CCDC85A: variants seen among roughly 807,000 people sequenced by gnomAD.
The protein encoded by CCDC85A is coiled-coil domain containing 85A, also known as coiled-coil domain-containing protein 85A.
A neutral mutation model predicts 50.2 loss-of-function variants in CCDC85A; 38 were observed. The observed-to-expected ratio is 0.76, with a 90% CI of 0.58 to 0.99. CCDC85A has a LOEUF of 0.99. Ranked by LOEUF, CCDC85A falls within the 50% of genes least tolerant of loss-of-function variation. CCDC85A has a pLI of 0.00. For missense variants in CCDC85A, 820 were observed against 742.0 expected, an observed-to-expected ratio of 1.11 and a Z score of -1.22; for synonymous variants, 366 against 301.4, an observed-to-expected ratio of 1.21 and a Z score of -2.22.
At chr2:56,277,758 C>G (rs558674869) in intron 2 of CCDC85A, among the ~76,000 whole-genome samples, 6 of 152,352 alleles carry the variant, frequency 3.9e-5, no homozygotes, top group South Asian at 2.1e-4. Context: ...GGCGCAGAGT[C>G]TCCTAAGGAG....
rs1676763425 is a variant in CCDC85A at position 56,385,107 on chromosome 2, C to A, written c.*752C>A. The A allele has an allele frequency of 6.6e-6, 1 of 151,920 alleles. No individual in the cohort carries two copies. The highest frequency in any genetic ancestry group is 1.9e-4 in the East Asian group (1 of 5,150). 9.4% of individuals were successfully genotyped at this position (151,920 alleles called of 1,614,324 possible). A position where few individuals can be genotyped will look rare whatever the true frequency, so the allele number is the denominator to read the frequency against. ...AAAGACACATCTTGGGGCATACCAA[C>A]CTTCATATTCATTCAGTGTATCCAT... On this transcript the variant is annotated 3_prime_UTR_variant, in exon 6 of 6. Coordinates refer to ENST00000407595, the MANE Select transcript of CCDC85A (RefSeq NM_001080433.2).
At chr2:56,222,177 A>G (rs917426479) in intron 2 of CCDC85A, among the ~76,000 whole-genome samples, 2 of 152,172 alleles carry the variant, frequency 1.3e-5, no homozygotes, top group Non-Finnish European at 2.9e-5. Context: ...GCTTTAAAGA[A>G]TAAAGCAAAA....
At chr2:56,349,942 G>A (rs1017246070) in intron 3 of CCDC85A, among the ~76,000 whole-genome samples, 1 of 151,460 alleles carries the variant, frequency 6.6e-6, no homozygotes, top group Admixed American at 6.6e-5. Context: ...CTTAGGTTTG[G>A]CTATATAGTA....
intron 2 of CCDC85A, among the ~76,000 whole-genome samples, chr2:56,236,088 A>G (rs1423911801): frequency 2.0e-5 from 3 of 152,240 alleles, no homozygotes; most frequent in Non-Finnish European, 4.4e-5. Context: ...GAAAATACAG[A>G]TGTGACCAAA....
At chr2:56,218,475 A>G (rs888904460) in intron 2 of CCDC85A, among the ~76,000 whole-genome samples, 13 of 151,902 alleles carry the variant, frequency 8.6e-5, no homozygotes, top group African/African-American at 2.9e-4. Flanking sequence ...CATTTTTCAT[A>G]TTCATTTCTA....
At chr2:56,271,202 G>C (rs1273292181) in intron 2 of CCDC85A, among the ~76,000 whole-genome samples, 2 of 152,194 alleles carry the variant, frequency 1.3e-5, no homozygotes, top group Non-Finnish European at 2.9e-5. Flanking sequence ...ATGTGGGTCA[G>C]TTATGTAGGG....
At chr2:56,293,662 C>T (rs925399269) in intron 2 of CCDC85A, among the ~76,000 whole-genome samples, 1 of 152,114 alleles carries the variant, frequency 6.6e-6, no homozygotes, top group Non-Finnish European at 1.5e-5. Context: ...ACAGACACTT[C>T]TCAAAAGAAG....
At chr2:56,295,624 C>T (rs1671913984) in intron 2 of CCDC85A, among the ~76,000 whole-genome samples, 1 of 152,116 alleles carries the variant, frequency 6.6e-6, no homozygotes, top group Admixed American at 6.6e-5. Context: ...GAAATGGCCC[C>T]TCTGTCTAGG....
intron 2 of CCDC85A, among the ~76,000 whole-genome samples, chr2:56,330,044 A>G (rs924435860): frequency 1.4e-5 from 2 of 145,458 alleles, no homozygotes; most frequent in African/African-American, 2.5e-5. Flanking sequence ...AGAGGGCCAC[A>G]TACATTAAAG....
intron 2 of CCDC85A, among the ~76,000 whole-genome samples, chr2:56,296,088 T>C (rs1671935514): frequency 6.6e-6 from 1 of 152,234 alleles, no homozygotes; most frequent in Non-Finnish European, 1.5e-5. Flanking sequence ...CTTTCCTCTA[T>C]GTGAAAATGA....
intron 2 of CCDC85A, among the ~76,000 whole-genome samples, chr2:56,257,938 C>T (rs72923447): frequency 0.023 from 3,542 of 152,208 alleles, 129 homozygotes; most frequent in African/African-American, 0.078. Context: ...ACATCATTTT[C>T]ACCAACAGAA....
At chr2:56,289,880 C>T (rs1395012043) in intron 2 of CCDC85A, among the ~76,000 whole-genome samples, 2 of 152,066 alleles carry the variant, frequency 1.3e-5, no homozygotes, top group African/African-American at 4.8e-5. Flanking sequence ...ATATCTTTGT[C>T]AGATGGTTTC....
At position 56,184,808 on chromosome 2, in the gene CCDC85A, G is replaced by C. The variant is rs1675929727; in HGVS notation, c.184G>C (p.Glu62Gln). The C allele has an allele frequency of 6.5e-7, 1 of 1,546,150 alleles. No individual in the cohort carries two copies. The highest frequency in any genetic ancestry group is 8.7e-7 in the Non-Finnish European group (1 of 1,146,098). Reference protein sequence around the residue: ...LIRSLRRAEAEKVSAMLDHSN... With the variant: ...LIRSLRRAEAQKVSAMLDHSN... ...CCGCAGCCTGCGGCGCGCCGAGGCG[G>C]AGAAGGTGAGCGCGATGCTGGACCA... The change falls in exon 1 of 6, where the codon GAG becomes CAG. Residue 62 changes from glutamate (E) to glutamine (Q), a missense_variant. Coordinates refer to ENST00000407595, the MANE Select transcript of CCDC85A (RefSeq NM_001080433.2).
chr2:56,307,417 G>A (rs1020749254), intron 2 of CCDC85A, among the ~76,000 whole-genome samples: 2 of 152,156 alleles, frequency 1.3e-5, no homozygotes, highest in African/African-American at 4.8e-5. Flanking sequence ...ATTGGCAGGA[G>A]TAACACTAGT....
Position 56,189,297 on chromosome 2 carries a change from G to GTTTTTTTTTTTTT in CCDC85A, c.277-3177_277-3165dup, listed in dbSNP as rs70955011. 3.3e-4 allele frequency among the ~76,000 whole-genome samples: 40 copies of GTTTTTTTTTTTTT among 121,942 alleles called. 4 individuals carry two copies. Among genetic ancestry groups the GTTTTTTTTTTTTT allele is most frequent in the East Asian group, 1.4e-3 (6 of 4,360 alleles). The allele number at this position is 121,942 out of a possible 152,430, so 80.0% of individuals were successfully genotyped here. On this transcript the variant is annotated intron_variant, in intron 1 of 5. Transcript: ENST00000407595. ...AAAACATGCACGGGGTATTTTTGGT[G>GTTTTTTTTTTTTT]TTTTTTTTTTTTTTTGAGACAAGGT...
chr2:56,326,547 T>C (rs933413713), intron 2 of CCDC85A, among the ~76,000 whole-genome samples: 2 of 152,116 alleles, frequency 1.3e-5, no homozygotes, highest in African/African-American at 2.4e-5. Flanking sequence ...TACTACACTA[T>C]TGTGAAGTGT....
chr2:56,350,436 T>C (rs1348594435), intron 3 of CCDC85A, among the ~76,000 whole-genome samples: 1 of 152,188 alleles, frequency 6.6e-6, no homozygotes, highest in Non-Finnish European at 1.5e-5. Flanking sequence ...CAGGGTATGG[T>C]GGCAAATGCC....
intron 2 of CCDC85A, among the ~76,000 whole-genome samples, chr2:56,197,422 G>C (rs1676571187): frequency 6.6e-6 from 1 of 152,146 alleles, no homozygotes. Context: ...CATTGCTTTA[G>C]AGCAGTGGTT....
At chr2:56,250,845 G>T (rs1002359741) in intron 2 of CCDC85A, among the ~76,000 whole-genome samples, 28 of 152,304 alleles carry the variant, frequency 1.8e-4, no homozygotes, top group African/African-American at 6.7e-4. Context: ...ACATTTGAAA[G>T]ACTTTGGATA....
Sources: allele counts gnomAD v4.1 joint callset (sites outside exome capture counted in the v4.1 genomes callset), GRCh38; gene constraint gnomAD v4.1.1; transcripts MANE v1.5; gene names NCBI Gene and HGNC (gene_info 2026-07-23, HGNC 2026-07-21).